ERC1: variants seen among roughly 807,000 people sequenced by gnomAD.
ERC1 encodes the protein ELKS/RAB6-interacting/CAST family member 1.
In ERC1, 56 loss-of-function variants were observed where a neutral mutation model predicts 132.0. That is an observed-to-expected ratio of 0.42 (90% CI 0.34 to 0.53). The LOEUF (loss-of-function observed/expected upper bound fraction) is 0.53. Ranked by LOEUF, ERC1 falls within the 20% of genes least tolerant of loss-of-function variation. The pLI is 0.03. For synonymous variants in ERC1, 478 were observed against 476.1 expected, an observed-to-expected ratio of 1.00 and a Z score of -0.05; for missense variants, 1,202 against 1,349.9, an observed-to-expected ratio of 0.89 and a Z score of 1.72.
chr12:1,316,416 G>T (rs916351150), intron 15 of ERC1, among the ~76,000 whole-genome samples: 4 of 151,744 alleles, frequency 2.6e-5, no homozygotes, highest in Non-Finnish European at 2.9e-5. Context: ...CTGTTTAGTT[G>T]TATTATTGCT....
At chr12:1,335,262 A>G (rs1337157028) in intron 15 of ERC1, among the ~76,000 whole-genome samples, 2 of 152,060 alleles carry the variant, frequency 1.3e-5, no homozygotes, top group Non-Finnish European at 2.9e-5. Flanking sequence ...CTTCAATACT[A>G]TGTTGAATAG....
chr12:1,200,677 C>G (rs1390777568), intron 12 of ERC1, among the ~76,000 whole-genome samples: 5 of 152,046 alleles, frequency 3.3e-5, no homozygotes, highest in Admixed American at 6.6e-5. Context: ...TCCTGCCTCA[C>G]CCTCCTGAGT....
chr12:1,284,612 C>A (rs1431919484), intron 14 of ERC1, among the ~76,000 whole-genome samples: 1 of 152,072 alleles, frequency 6.6e-6, no homozygotes, highest in African/African-American at 2.4e-5. Context: ...TTATTTTCTG[C>A]TTTCTTGGTA....
intron 8 of ERC1, among the ~76,000 whole-genome samples, chr12:1,160,500 T>C (rs1951787504): frequency 6.6e-6 from 1 of 152,162 alleles, no homozygotes; most frequent in African/African-American, 2.4e-5. Context: ...TTTGGGAGGC[T>C]GAGGAGGGTG....
intron 7 of ERC1, among the ~76,000 whole-genome samples, chr12:1,122,633 CTCT>C (rs1947673726): frequency 1.1e-4 from 1 of 8,764 alleles, no homozygotes; most frequent in Non-Finnish European, 5.0e-4. Flanking sequence ...GTGTCTCTAT[CTCT>C]ATCTCTATCT....
At chr12:1,122,557 C>A (rs60485380) in intron 7 of ERC1, among the ~76,000 whole-genome samples, 4 of 101,832 alleles carry the variant, frequency 3.9e-5, no homozygotes, top group Admixed American at 1.1e-4. Flanking sequence ...GTCTCTATCT[C>A]TATCTCTATC....
chr12:1,298,397 G>T (rs1223994013), intron 15 of ERC1, among the ~76,000 whole-genome samples: 1 of 151,872 alleles, frequency 6.6e-6, no homozygotes, highest in East Asian at 1.9e-4. Flanking sequence ...ACAAAAACTA[G>T]CCGGGTGTGG....
chr12:1,054,438 C>T (rs539079765), intron 2 of ERC1, among the ~76,000 whole-genome samples: 18 of 152,032 alleles, frequency 1.2e-4, no homozygotes, highest in Admixed American at 8.5e-4. Flanking sequence ...ACCGCACCCC[C>T]GGCTCTTTTT....
intron 16 of ERC1, among the ~76,000 whole-genome samples, chr12:1,403,735 A>G (rs745370621): frequency 1.3e-5 from 2 of 152,142 alleles, no homozygotes; most frequent in Non-Finnish European, 2.9e-5. Context: ...CTGCCTTGAA[A>G]ATGGATTTGT....
At chr12:1,208,164 A>T (rs1370845035) in intron 12 of ERC1, among the ~76,000 whole-genome samples, 1 of 152,162 alleles carries the variant, frequency 6.6e-6, no homozygotes, top group African/African-American at 2.4e-5. Flanking sequence ...GGTCATAGCT[A>T]CTAAGTGGCA....
At chr12:1,114,932 G>T (rs1946290837) in intron 6 of ERC1, among the ~76,000 whole-genome samples, 1 of 152,142 alleles carries the variant, frequency 6.6e-6, no homozygotes, top group East Asian at 1.9e-4. Flanking sequence ...ATTTCTTCAT[G>T]GGAAATTGTT....
intron 15 of ERC1, among the ~76,000 whole-genome samples, chr12:1,317,024 A>G (rs2081787519): frequency 6.6e-6 from 1 of 151,980 alleles, no homozygotes; most frequent in African/African-American, 2.4e-5. Context: ...AGCTGGGTGT[A>G]GTGGCAGGCA....
intron 2 of ERC1, among the ~76,000 whole-genome samples, chr12:1,065,843 T>C (rs1209125010): frequency 2.6e-5 from 4 of 152,152 alleles, no homozygotes; most frequent in Non-Finnish European, 2.9e-5. Flanking sequence ...TGAAAAGGAA[T>C]GAAGTTCTGA....
chr12:1,036,854 T>C (rs1455706938), intron 2 of ERC1, among the ~76,000 whole-genome samples: 1 of 152,244 alleles, frequency 6.6e-6, no homozygotes, highest in East Asian at 1.9e-4. Context: ...TTTAATCTTT[T>C]TTGTTGTTTC....
intron 5 of ERC1, among the ~76,000 whole-genome samples, chr12:1,110,575 G>C (rs963255966): frequency 1.3e-5 from 2 of 152,190 alleles, no homozygotes; most frequent in African/African-American, 4.8e-5. Context: ...TTCTCTGTAT[G>C]AGGCTACATA....
rs747646885 is a variant in ERC1, at chr12:1,083,250, C to T, written c.756C>T (p.Ser252=). 6.2e-7 allele frequency: 1 copy of T among 1,614,134 alleles called. No homozygotes were observed. Among genetic ancestry groups the T allele is most frequent in the Non-Finnish European group, 8.5e-7 (1 of 1,179,990 alleles). ...AGCTGTTTCAGCAGGATAGTAGCAG[C>T]AGGACTGGCGAACCTTGTGTAGCAG... is the stretch of plus-strand genomic sequence containing the variant. ...LNQLFQQDSS[S]RTGEPCVAEL... Residue 252 remains serine (S), a synonymous_variant, in exon 3 of 19, where the codon AGC becomes AGT. Transcript: ENST00000360905.
intron 12 of ERC1, among the ~76,000 whole-genome samples, chr12:1,235,892 A>T (rs145839597): frequency 2.0e-5 from 3 of 152,214 alleles, no homozygotes; most frequent in Non-Finnish European, 4.4e-5. Flanking sequence ...TGGCAAGAAG[A>T]TGGAAACAAT....
intron 12 of ERC1, among the ~76,000 whole-genome samples, chr12:1,202,607 A>G (rs541452051): frequency 3.5e-4 from 53 of 152,288 alleles, no homozygotes; most frequent in African/African-American, 1.2e-3. Flanking sequence ...CAGTGAGCCA[A>G]GATTGCGCCA....
intron 7 of ERC1, among the ~76,000 whole-genome samples, chr12:1,130,558 A>G (rs931214076): frequency 2.0e-5 from 3 of 152,040 alleles, no homozygotes; most frequent in African/African-American, 7.2e-5. Context: ...TTTGTCTGCT[A>G]TGAGTTTTCA....
Sources: allele counts gnomAD v4.1 joint callset (sites outside exome capture counted in the v4.1 genomes callset), GRCh38; gene constraint gnomAD v4.1.1; transcripts MANE v1.5; gene names NCBI Gene and HGNC (gene_info 2026-07-23, HGNC 2026-07-21).